The following RARB variants were observed in gnomAD, a reference collection of about 807,000 sequenced individuals.
The protein encoded by RARB is HBV-activated protein.
Under a neutral mutation model 51.9 loss-of-function variants are expected in RARB, and 17 were observed. That is an observed-to-expected ratio of 0.33 (90% CI 0.22 to 0.49). The LOEUF (loss-of-function observed/expected upper bound fraction) is 0.49. Ranked by LOEUF, RARB falls within the 20% of genes least tolerant of loss-of-function variation. The probability of loss-of-function intolerance (pLI) is 0.99; values close to 1 mark genes in which losing one functional copy is unlikely to be tolerated. For missense variants in RARB, 369 were observed against 550.8 expected (o/e 0.67, Z 3.30); for synonymous variants, 215 against 195.4 (o/e 1.10, Z -0.84).
chr3:25,153,673 G>A (rs17517778), intron 4 of RARB, among the ~76,000 whole-genome samples: 4 of 152,226 alleles, frequency 2.6e-5, no homozygotes, highest in East Asian at 1.9e-4. Context: ...CAACAGTCAG[G>A]CCTAATATAC....
intron 3 of RARB, among the ~76,000 whole-genome samples, chr3:25,074,525 A>G (rs1406340829): frequency 6.6e-6 from 1 of 152,090 alleles, no homozygotes; most frequent in Non-Finnish European, 1.5e-5. Flanking sequence ...CCACATCTAC[A>G]TAGTTATCTT....
chr3:25,055,828 A>C (rs1698429232), intron 2 of RARB, among the ~76,000 whole-genome samples: 1 of 152,102 alleles, frequency 6.6e-6, no homozygotes, highest in Non-Finnish European at 1.5e-5. Context: ...TCTATGCAGC[A>C]AGCCTCCAAA....
intron 5 of RARB, among the ~76,000 whole-genome samples, chr3:25,400,915 T>C (rs983092780): frequency 6.6e-6 from 1 of 151,836 alleles, no homozygotes; most frequent in African/African-American, 2.4e-5. Context: ...ATATAAAATG[T>C]AAATCTGTTT....
intron 5 of RARB, among the ~76,000 whole-genome samples, chr3:25,593,110 A>G (rs1267119176): frequency 6.6e-6 from 1 of 152,208 alleles, no homozygotes; most frequent in Non-Finnish European, 1.5e-5. Context: ...TATGCATTTA[A>G]TAAATTGTCA....
chr3:25,252,459 T>C (rs1575259046), intron 5 of RARB, among the ~76,000 whole-genome samples: 2 of 152,208 alleles, frequency 1.3e-5, no homozygotes, highest in African/African-American at 4.8e-5. Context: ...TGTAATGATA[T>C]TGTCTTCCAG....
At chr3:25,061,471 T>C (rs1698547768) in intron 3 of RARB, among the ~76,000 whole-genome samples, 1 of 151,878 alleles carries the variant, frequency 6.6e-6, no homozygotes, top group African/African-American at 2.4e-5. Context: ...ATTGCTTTTT[T>C]CTAATTGATT....
At chr3:25,569,476 C>T (rs987685432) in intron 3 of RARB, among the ~76,000 whole-genome samples, 1 of 152,212 alleles carries the variant, frequency 6.6e-6, no homozygotes, top group Non-Finnish European at 1.5e-5. Flanking sequence ...AGAAAAAGTT[C>T]TCTCACAACA....
chr3:25,396,811 A>T (rs1362242278), intron 5 of RARB, among the ~76,000 whole-genome samples: 1 of 152,072 alleles, frequency 6.6e-6, no homozygotes, highest in Admixed American at 6.5e-5. Context: ...CCAGGGAAGT[A>T]GAAGAAAACC....
intron 5 of RARB, among the ~76,000 whole-genome samples, chr3:25,282,684 G>A (rs1703554576): frequency 6.6e-6 from 1 of 152,170 alleles, no homozygotes; most frequent in African/African-American, 2.4e-5. Context: ...GAGGAAGCCA[G>A]GGCATTGCTG....
upstream of RARB, among the ~76,000 whole-genome samples, chr3:25,424,433 C>T (rs544151494): frequency 5.8e-4 from 89 of 152,356 alleles, no homozygotes; most frequent in African/African-American, 1.9e-4. Flanking sequence ...GAGCCTCATA[C>T]TTGCCTCGTG....
At chr3:24,893,709 G>A (rs114165594) in intron 2 of RARB, among the ~76,000 whole-genome samples, 3,551 of 150,764 alleles carry the variant, frequency 0.024, 80 homozygotes, top group Middle Eastern at 0.068. Context: ...TAATTTTGTA[G>A]AGATGGGGTC....
chr3:25,450,381 G>C (rs930192841), intron 1 of RARB, among the ~76,000 whole-genome samples: 2 of 152,142 alleles, frequency 1.3e-5, no homozygotes, highest in Non-Finnish European at 2.9e-5. Context: ...CTGCAATGTA[G>C]TAAGCGTGGT....
At chr3:25,554,264 TATTA>T (rs757804738) in intron 3 of RARB, among the ~76,000 whole-genome samples, 11 of 150,342 alleles carry the variant, frequency 7.3e-5, no homozygotes, top group African/African-American at 2.2e-4. Context: ...AGGGGGTGAG[TATTA>T]ATTGTTTTAT....
chr3:25,425,361 G>T (rs1181335667), upstream of RARB, among the ~76,000 whole-genome samples: 1 of 152,122 alleles, frequency 6.6e-6, no homozygotes, highest in Non-Finnish European at 1.5e-5. Context: ...AAGTTTTCAA[G>T]AAGTGTAAGC....
At chr3:25,330,823 A>G (rs946805393) in intron 5 of RARB, among the ~76,000 whole-genome samples, 27 of 152,334 alleles carry the variant, frequency 1.8e-4, no homozygotes, top group African/African-American at 6.3e-4. Context: ...AGGAGGATCT[A>G]CCAAGCAAAT....
chr3:25,397,096 A>G (rs1045660712), intron 5 of RARB, among the ~76,000 whole-genome samples: 1 of 152,128 alleles, frequency 6.6e-6, no homozygotes, highest in Non-Finnish European at 1.5e-5. Flanking sequence ...ATTATTACAA[A>G]TTTCAGCTGG....
chr3:24,840,546 T>C (rs62228441), intron 1 of RARB, among the ~76,000 whole-genome samples: 23,341 of 152,022 alleles, frequency 0.15, 2,120 homozygotes, highest in East Asian at 0.36. Flanking sequence ...ACCATGTATA[T>C]GGAAAAGATA....
chr3:25,024,189 T>C (rs979703010), intron 2 of RARB, among the ~76,000 whole-genome samples: 2 of 152,180 alleles, frequency 1.3e-5, no homozygotes, highest in African/African-American at 4.8e-5. Context: ...TCATAAGACT[T>C]TTGTAGATTT....
intron 5 of RARB, among the ~76,000 whole-genome samples, chr3:25,401,817 C>T (rs757208572): frequency 2.0e-5 from 3 of 152,160 alleles, no homozygotes; most frequent in Non-Finnish European, 4.4e-5. Flanking sequence ...CCCTCCGTCG[C>T]CCAGGCTAGA....
Sources: allele counts gnomAD v4.1 joint callset (sites outside exome capture counted in the v4.1 genomes callset), GRCh38; gene constraint gnomAD v4.1.1; transcripts MANE v1.5; gene names NCBI Gene and HGNC (gene_info 2026-07-23, HGNC 2026-07-21).